ABCC5: variants seen among roughly 807,000 people sequenced by gnomAD.
ABCC5 encodes the protein ATP-binding cassette sub-family C member 5.
A neutral mutation model predicts 160.9 loss-of-function variants in ABCC5; 61 were observed. That is an observed-to-expected ratio of 0.38 (90% CI 0.31 to 0.47). The LOEUF (loss-of-function observed/expected upper bound fraction) is 0.47. Ranked by LOEUF, ABCC5 falls within the 20% of genes least tolerant of loss-of-function variation. The pLI is 0.99. For missense variants in ABCC5, 1,308 were observed against 1,813.3 expected (o/e 0.72, Z 5.06); for synonymous variants, 666 against 700.6 (o/e 0.95, Z 0.78).
intron 2 of ABCC5, among the ~76,000 whole-genome samples, chr3:183,998,722 G>A (rs1440853934): frequency 6.6e-6 from 1 of 152,072 alleles, no homozygotes; most frequent in Non-Finnish European, 1.5e-5. Flanking sequence ...AACCATAACT[G>A]TACAAAATGA....
intron 26 of ABCC5, among the ~76,000 whole-genome samples, chr3:183,932,015 A>G (rs1713227895): frequency 1.3e-5 from 2 of 152,200 alleles, no homozygotes; most frequent in South Asian, 4.1e-4. Flanking sequence ...TTCATATTTT[A>G]TTTTTAGCAA....
chr3:184,005,302 C>G (rs1721091834), intron 2 of ABCC5, among the ~76,000 whole-genome samples: 1 of 152,118 alleles, frequency 6.6e-6, no homozygotes, highest in South Asian at 2.1e-4. Context: ...CATGAGCAGG[C>G]TTTGGTAAGT....
chr3:183,930,877 A>G, intron 26 of ABCC5, among the ~76,000 whole-genome samples: 1 of 152,212 alleles, frequency 6.6e-6, no homozygotes, highest in East Asian at 1.9e-4. Context: ...CAGGAAACAC[A>G]TACAGCAAGT....
At chr3:183,945,490 G>C (rs2108787461) in intron 24 of ABCC5, among the ~76,000 whole-genome samples, 1 of 152,286 alleles carries the variant, frequency 6.6e-6, no homozygotes, top group East Asian at 1.9e-4. Flanking sequence ...TCAGCAGGGG[G>C]TCCTGATGGC....
intron 2 of ABCC5, among the ~76,000 whole-genome samples, chr3:184,009,681 T>C (rs1321890427): frequency 6.6e-6 from 1 of 152,230 alleles, no homozygotes; most frequent in Non-Finnish European, 1.5e-5. Flanking sequence ...TTAGTAGCGA[T>C]GCATTCATTT....
intron 2 of ABCC5, among the ~76,000 whole-genome samples, chr3:184,000,006 A>G (rs1362339396): frequency 6.6e-6 from 1 of 152,076 alleles, no homozygotes; most frequent in African/African-American, 2.4e-5. Flanking sequence ...TCAAACATGA[A>G]AAGGAAACTT....
rs1371359446 is a variant in ABCC5 at position 183,921,516 on chromosome 3, C to G, written c.4213-115G>C. ...CTGAGGGTAGAATCTGGGGACAATT[C>G]AACTAGCCCTGCGTGCACCTCCCCC... On this transcript the variant is annotated intron_variant, in intron 29 of 29. Transcript: ENST00000334444. The surrounding 1 kb of genome is among the most constrained non-coding windows in gnomAD (Gnocchi z 4.1). 26 of 838,414 alleles carry G rather than the reference C, an allele frequency of 3.1e-5. No individual in the cohort carries two copies. The highest frequency in any genetic ancestry group is 4.2e-5 in the Non-Finnish European group (24 of 572,262). 51.9% of individuals were successfully genotyped at this position (838,414 alleles called of 1,614,324 possible).
chr3:184,014,438 A>C lies in ABCC5; in HGVS notation c.-46T>G, dbSNP rs199890622. ...AGGGCTCACAGACTGTTAGTTTCAC[A>C]TCAGAATTCCTGAAATTAAAAATTC... On this transcript the variant is annotated 5_prime_UTR_variant, in exon 2 of 30. It removes an upstream start codon present in the reference 5' UTR. Coordinates refer to ENST00000334444, the MANE Select transcript of ABCC5 (RefSeq NM_005688.4). 19 of 1,558,662 alleles carry C rather than the reference A, an allele frequency of 1.2e-5. No homozygotes were observed. Among genetic ancestry groups the C allele is most frequent in the Non-Finnish European group, 1.6e-5 (19 of 1,153,576 alleles).
intron 17 of ABCC5, among the ~76,000 whole-genome samples, chr3:183,956,911 T>C (rs1258129839): frequency 7.5e-6 from 1 of 134,160 alleles, no homozygotes; most frequent in Non-Finnish European, 1.6e-5. Flanking sequence ...ATAGGTTACA[T>C]GCAGATCCGT....
In ABCC5 at chr3:184,017,065, C is replaced by T. The variant is rs1274775086; in HGVS notation, c.-56+765G>A. ...GCAGCCTCACCTTTCATACACGCTGCGGACCACAGTAAAACCTAGCCATCT... is the reference window on the plus strand; with the variant it reads ...GCAGCCTCACCTTTCATACACGCTGTGGACCACAGTAAAACCTAGCCATCT... On this transcript the variant is annotated intron_variant, in intron 1 of 29. Coordinates refer to ENST00000334444, the MANE Select transcript of ABCC5 (RefSeq NM_005688.4). This position sits in a 1 kb window ranked among gnomAD's most constrained non-coding sequence, Gnocchi z 4.5. Among the ~76,000 whole-genome samples the T allele has an allele frequency of 6.6e-6, 1 of 152,178 alleles. No homozygotes were observed. Among genetic ancestry groups the T allele is most frequent in the South Asian group, 2.1e-4 (1 of 4,824 alleles).
At position 183,978,599 on chromosome 3, in the gene ABCC5, G is replaced by A. The variant is rs1053386; in HGVS notation, c.1200C>T (p.Ser400=). The A allele has an allele frequency of 0.015, 24,188 of 1,613,956 alleles. 3,185 individuals carry two copies. In the African/African-American group the frequency reaches 0.28, roughly 19 times the overall value. Residue 400 remains serine, a synonymous_variant, in exon 9 of 30, where the codon AGC becomes AGT. Coordinates refer to ENST00000334444, the MANE Select transcript of ABCC5 (RefSeq NM_005688.4). The part of the protein sequence containing the change: ...RILEKAGYFQ[S]ITVGVAPIVV... Reference sequence around the variant, plus strand: ...CAATGGGAGCCACACCCACAGTGATGCTCTGGAAGTACCCAGCTTTTTCCA... The same window carrying A: ...CAATGGGAGCCACACCCACAGTGATACTCTGGAAGTACCCAGCTTTTTCCA...
At position 183,981,850 on chromosome 3, in the gene ABCC5, A is replaced by G; in HGVS notation, c.1024T>C (p.Tyr342His). The G allele has an allele frequency of 6.2e-7, 1 of 1,608,958 alleles. No individual in the cohort carries two copies. Among genetic ancestry groups the G allele is most frequent in the Non-Finnish European group, 8.5e-7 (1 of 1,178,660 alleles). The change falls in exon 8 of 30, where the codon TAT (tyrosine) becomes CAT (histidine). Residue 342 changes from tyrosine to histidine, a missense_variant. Tyr to His is a moderately conservative substitution (Grantham distance 83, BLOSUM62 2). Transcript: ENST00000334444. ...GCGGCCACGCATTTTCTCCTGAAAT[A>G]TGCTGTGAGCCGTGATGCAAACATC... ...AMMFASRLTA[Y>H]FRRKCVAATD...
At chr3:183,934,870 A>G (rs1713534879) in intron 26 of ABCC5, among the ~76,000 whole-genome samples, 1 of 151,588 alleles carries the variant, frequency 6.6e-6, no homozygotes, top group African/African-American at 2.4e-5. Flanking sequence ...ACAAACCCAA[A>G]TGAAATGCTA....
chr3:184,005,136 T>C (rs55831983), intron 2 of ABCC5, among the ~76,000 whole-genome samples: 1,949 of 152,208 alleles, frequency 0.013, 44 homozygotes, highest in African/African-American at 0.044. Flanking sequence ...AAGAACATCC[T>C]TGGGAAGCTC....
intron 2 of ABCC5, among the ~76,000 whole-genome samples, chr3:183,999,258 G>GA (rs1191459149): frequency 1.2e-3 from 163 of 140,380 alleles, no homozygotes; most frequent in Non-Finnish European, 1.5e-3. Flanking sequence ...AGCATGCCAG[G>GA]AAAAAAAAAA....
intron 2 of ABCC5, among the ~76,000 whole-genome samples, chr3:184,002,482 AAC>A (rs943411105): frequency 4.6e-5 from 7 of 152,330 alleles, no homozygotes; most frequent in African/African-American, 1.7e-4. Context: ...AGATCAGGGA[AAC>A]ACACATTCAT....
chr3:183,951,503 T>C lies in ABCC5; in HGVS notation c.2882A>G (p.Lys961Arg), dbSNP rs916059804. 4 of 1,614,132 alleles carry C rather than the reference T, an allele frequency of 2.5e-6. No homozygotes were observed. ...CCCTGTGGGGGTCGTGTCAAAAAAC[T>C]TCATAGGGCTTCGAAGGATCCTTCG... ...LFRRILRSPMKFFDTTPTGRI... is the reference protein window; with the variant it reads ...LFRRILRSPMRFFDTTPTGRI... The change falls in exon 20 of 30, where the codon AAG becomes AGG. Residue 961 changes from lysine to arginine, a missense_variant. Around this residue, in one of 3 missense-constraint regions of ABCC5, gnomAD observed 1,142 missense variants for 1,527.1 expected, o/e 0.75. Coordinates refer to ENST00000334444, the MANE Select transcript of ABCC5 (RefSeq NM_005688.4). This position sits in a 1 kb window ranked among gnomAD's most constrained non-coding sequence, Gnocchi z 4.7.
intron 15 of ABCC5, 55 bp from the exon 16 acceptor site, chr3:183,961,709 AACCCAT>A: frequency 6.2e-7 from 1 of 1,604,038 alleles, no homozygotes. Flanking sequence ...TACATTCAAA[AACCCAT>A]ACATTAGTTC....
intron 26 of ABCC5, among the ~76,000 whole-genome samples, chr3:183,935,605 G>A (rs950734975): frequency 6.6e-6 from 1 of 152,182 alleles, no homozygotes; most frequent in Non-Finnish European, 1.5e-5. Context: ...CCAGGTTCAA[G>A]TGATTCTCTT....
Sources: gnomAD v4.1 joint callset for allele counts (sites outside exome capture counted in the v4.1 genomes callset) on GRCh38, gnomAD v4.1.1 for gene constraint, gnomAD v4.1.1 regional missense constraint, Gnocchi (gnomAD v3.1) non-coding constraint, MANE v1.5 for transcripts, NCBI Gene and HGNC (gene_info 2026-07-23, HGNC 2026-07-21) for gene names.